Variants in ADAM21 observed in about 807,000 individuals in gnomAD.
The protein encoded by ADAM21 is ADAM metallopeptidase domain 21.
For synonymous variants in ADAM21, 262 were observed against 306.0 expected, an observed-to-expected ratio of 0.86 and a Z score of 1.50; for missense variants, 678 against 874.4, an observed-to-expected ratio of 0.78 and a Z score of 2.83.
Position 70,458,528 on chromosome 14 carries a change from A to G in ADAM21, c.1029A>G (p.Leu343=), listed in dbSNP as rs1277724184. Residue 343 remains leucine, a synonymous_variant, in exon 2 of 2, where the codon TTA becomes TTG. Coordinates refer to ENST00000603540, the MANE Select transcript of ADAM21 (RefSeq NM_003813.4). ...SLFANTVAHE[L]GHTLGMQHDE... is the part of the protein sequence containing the mutation. The stretch of plus-strand genomic sequence containing the variant: ...TTGCCAACACTGTGGCCCATGAGTT[A>G]GGTCATACGTTAGGTATGCAGCATG... The G allele has an allele frequency of 1.9e-6, 3 of 1,612,332 alleles. No individual in the cohort carries two copies. The Admixed American group carries it at 5.0e-5, about 27-fold the overall frequency.
At chr14:70,454,834 G>T (rs1889083925) in intron 1 of ADAM21, among the ~76,000 whole-genome samples, 1 of 152,170 alleles carries the variant, frequency 6.6e-6, no homozygotes, top group Non-Finnish European at 1.5e-5. Flanking sequence ...TCAGTCAGAG[G>T]CCAGAGCCTT....
At position 70,457,825 on chromosome 14, in the gene ADAM21, G is replaced by C. The variant is rs79958245; in HGVS notation, c.326G>C (p.Cys109Ser). Residue 109 changes from cysteine to serine, a missense_variant, in exon 2 of 2, where the codon TGT (cysteine) becomes TCT (serine). Coordinates refer to ENST00000603540, the MANE Select transcript of ADAM21 (RefSeq NM_003813.4). ...LEDQLFIPDDCYYHGYVEAAP... is the reference protein window; with the variant it reads ...LEDQLFIPDDSYYHGYVEAAP... The stretch of plus-strand genomic sequence containing the variant: ...GATCAGCTCTTCATCCCAGATGACT[G>C]TTACTATCATGGTTACGTGGAGGCA... 1.3e-3 allele frequency: 2,034 copies of C among 1,612,846 alleles called. No homozygotes were observed. The African/African-American group carries it at 0.022, about 18-fold the overall frequency.
chr14:70,452,430 A>T (rs1889050000), intron 1 of ADAM21, among the ~76,000 whole-genome samples, 167 bp downstream of exon 1: 1 of 152,088 alleles, frequency 6.6e-6, no homozygotes, highest in African/African-American at 2.4e-5. Context: ...CAGTGGCGCG[A>T]TCTCAGCTGA....
Position 70,457,345 on chromosome 14 carries a change from C to T in ADAM21, c.-151-4C>T. On this transcript the variant is annotated splice_polypyrimidine_tract_variant and splice_region_variant and intron_variant, in intron 1 of 1. Coordinates refer to ENST00000603540, the MANE Select transcript of ADAM21 (RefSeq NM_003813.4). The stretch of plus-strand genomic sequence containing the variant: ...CCAACCCATCTTTTTATTTTTACTT[C>T]CAGCACTGCAGTTCTGATCTAACTC... The T allele has an allele frequency of 9.2e-7, 1 of 1,089,194 alleles. No individual in the cohort carries two copies. Among genetic ancestry groups the T allele is most frequent in the Non-Finnish European group, 1.3e-6 (1 of 759,896 alleles). The allele number at this position is 1,089,194 out of a possible 1,614,324, so 67.5% of individuals were successfully genotyped here.
rs1882487733 is a variant in ADAM21, at chr14:70,459,353, C to A, written c.1854C>A (p.Ile618=). ...KDGTVCGPGK[I]CIHKKCVSLS... is the part of the protein sequence containing the mutation. ...GTACTGTGTGTGGCCCAGGAAAGAT[C>A]TGCATCCATAAGAAGTGTGTCAGTC... Residue 618 remains isoleucine (I), a synonymous_variant, in exon 2 of 2, where the codon ATC becomes ATA. Coordinates refer to ENST00000603540, the MANE Select transcript of ADAM21 (RefSeq NM_003813.4). 6 of 1,614,204 alleles carry A rather than the reference C, an allele frequency of 3.7e-6. No homozygotes were observed. The highest frequency in any genetic ancestry group is 5.1e-6 in the Non-Finnish European group (6 of 1,180,032).
In ADAM21 at chr14:70,459,229, A is replaced by G. The variant is rs767158723; in HGVS notation, c.1730A>G (p.His577Arg). 3 of 1,614,100 alleles carry G rather than the reference A, an allele frequency of 1.9e-6. No individual in the cohort carries two copies. The East Asian group carries it at 6.7e-5, about 36-fold the overall frequency. Residue 577 changes from histidine (H) to arginine (R), a missense_variant, in exon 2 of 2, where the codon CAT (histidine) becomes CGT (arginine). His to Arg is a conservative substitution (Grantham distance 29). Coordinates refer to ENST00000603540, the MANE Select transcript of ADAM21 (RefSeq NM_003813.4). ...AGAGACATTCCTCTTCTCCAAGATCATTTTACTTTGCAGCACACTCATATC... is the reference window on the plus strand; with the variant it reads ...AGAGACATTCCTCTTCTCCAAGATCGTTTTACTTTGCAGCACACTCATATC... ...NVRDIPLLQD[H>R]FTLQHTHING... is the part of the protein sequence containing the mutation.
In ADAM21 at chr14:70,457,406, C is replaced by G. The variant is rs1418599226; in HGVS notation, c.-94C>G. On this transcript the variant is annotated 5_prime_UTR_variant, in exon 2 of 2. It adds an upstream start codon to the 5' untranslated region. Coordinates refer to ENST00000603540, the MANE Select transcript of ADAM21 (RefSeq NM_003813.4). ...CAGATCCACAGGGTCAGCCCTGCAT[C>G]CTGAGCAGCTTAGAGGGAGAAGCCA... The G allele has an allele frequency of 1.0e-5, 16 of 1,576,142 alleles. No homozygotes were observed. Among genetic ancestry groups the G allele is most frequent in the Non-Finnish European group, 1.4e-5 (16 of 1,154,386 alleles).
At position 70,458,639 on chromosome 14, in the gene ADAM21, C is replaced by G. The variant is rs145696569; in HGVS notation, c.1140C>G (p.Tyr380Ter). 2.9e-5 allele frequency: 47 copies of G among 1,613,624 alleles called. 1 individual carries two copies. In the South Asian group the frequency reaches 4.1e-4, roughly 14 times the overall value. Reference protein sequence around the residue: ...VPAEKFTNCSYADFMKTTLNQ... With the variant: ...VPAEKFTNCS Reference sequence around the variant, plus strand: ...CAGAGAAATTCACCAATTGCAGTTACGCTGATTTTATGAAGACCACCTTAA... The same window carrying G: ...CAGAGAAATTCACCAATTGCAGTTAGGCTGATTTTATGAAGACCACCTTAA... The change falls in exon 2 of 2, where the codon TAC becomes TAG. Residue 380 changes from tyrosine (Y) to a stop codon, truncating the protein, a stop_gained. Transcript: ENST00000603540. LOFTEE classifies it low-confidence loss of function (END_TRUNC).
Position 70,457,643 on chromosome 14 carries a change from G to A in ADAM21, c.144G>A (p.Val48=), listed in dbSNP as rs749671619. The A allele has an allele frequency of 2.5e-6, 4 of 1,613,644 alleles. No individual in the cohort carries two copies. The highest frequency in any genetic ancestry group is 1.7e-5 in the Admixed American group (1 of 59,960). ...CGGAAGTGGTGATCCCCTTGAAGGTGATCAGCAGGGGCAGAAGTGCAAAGG... is the reference window on the plus strand; with the variant it reads ...CGGAAGTGGTGATCCCCTTGAAGGTAATCAGCAGGGGCAGAAGTGCAAAGG... ...TSPEVVIPLK[V]ISRGRSAKAP... Residue 48 remains valine (V), a synonymous_variant, in exon 2 of 2, where the codon GTG becomes GTA. Transcript: ENST00000603540.
rs141824517 is a variant in ADAM21 at position 70,455,988 on chromosome 14, G to C, written c.-151-1361G>C. ...CAGGGTCTTTATAGAGGTCTGTACA[G>C]TGAGGATCCCTGAAGCATAAACTTT... On this transcript the variant is annotated intron_variant, in intron 1 of 1. Coordinates refer to ENST00000603540, the MANE Select transcript of ADAM21 (RefSeq NM_003813.4). Among the ~76,000 whole-genome samples the C allele has an allele frequency of 6.0e-4, 91 of 152,190 alleles. 1 individual carries two copies. The highest frequency in any genetic ancestry group is 2.1e-3 in the African/African-American group (88 of 41,536).
intron 1 of ADAM21, chr14:70,453,439 T>G (rs1362325772): frequency 2.0e-5 from 3 of 152,178 alleles, no homozygotes; most frequent in African/African-American, 2.4e-5. Flanking sequence ...GGACATGGAT[T>G]TACGGTGGTA....
At chr14:70,452,621 C>T (rs1214329174) in intron 1 of ADAM21, among the ~76,000 whole-genome samples, 2 of 152,186 alleles carry the variant, frequency 1.3e-5, no homozygotes, top group East Asian at 3.9e-4. Flanking sequence ...CCTCCTCGGC[C>T]TCCCAAAGTG....
chr14:70,453,775 A>G (rs1889070584), intron 1 of ADAM21, among the ~76,000 whole-genome samples: 1 of 152,212 alleles, frequency 6.6e-6, no homozygotes, highest in African/African-American at 2.4e-5. Flanking sequence ...TTTCATCCCA[A>G]TTCAGAGATC....
Position 70,457,435 on chromosome 14 carries a change from C to G in ADAM21, c.-65C>G, listed in dbSNP as rs1443151041. On this transcript the variant is annotated 5_prime_UTR_variant, in exon 2 of 2. Coordinates refer to ENST00000603540, the MANE Select transcript of ADAM21 (RefSeq NM_003813.4). ...AGCAGCTTAGAGGGAGAAGCCAGACCAGCAGTGCCTCACACCTTGTCCTCT... is the reference window on the plus strand; with the variant it reads ...AGCAGCTTAGAGGGAGAAGCCAGACGAGCAGTGCCTCACACCTTGTCCTCT... The G allele has an allele frequency of 1.9e-5, 31 of 1,600,472 alleles. No individual in the cohort carries two copies. Among genetic ancestry groups the G allele is most frequent in the Non-Finnish European group, 2.6e-5 (31 of 1,172,926 alleles).
chr14:70,455,624 A>G (rs1889093379), intron 1 of ADAM21, among the ~76,000 whole-genome samples: 1 of 152,134 alleles, frequency 6.6e-6, no homozygotes, highest in African/African-American at 2.4e-5. Flanking sequence ...TTTTCCCTAT[A>G]GTTTTTAAAT....
In ADAM21 at chr14:70,459,840, A is replaced by G; in HGVS notation, c.*172A>G. 1 of 780,730 alleles carries G rather than the reference A, an allele frequency of 1.3e-6. No individual in the cohort carries two copies. Among genetic ancestry groups the G allele is most frequent in the South Asian group, 1.8e-5 (1 of 54,274 alleles). The allele number at this position is 780,730 out of a possible 1,614,324, so 48.4% of individuals were successfully genotyped here. A position where few individuals can be genotyped will look rare whatever the true frequency, so the allele number is the denominator to read the frequency against. On this transcript the variant is annotated 3_prime_UTR_variant, in exon 2 of 2. Transcript: ENST00000603540. ...TTGTCATTAAGTTCAAGTTATTCTTAACATGTTTCTATCTATTGTTTATTG... is the reference window on the plus strand; with the variant it reads ...TTGTCATTAAGTTCAAGTTATTCTTGACATGTTTCTATCTATTGTTTATTG...
Position 70,458,718 on chromosome 14 carries a change from A to C in ADAM21, c.1219A>C (p.Lys407Gln). 6.2e-7 allele frequency: 1 copy of C among 1,614,034 alleles called. No individual in the cohort carries two copies. ...PPRLGEIFML[K>Q]RCGNGVVERE... ...AAGATTGGGGGAAATCTTTATGCTA[A>C]AGCGCTGTGGGAATGGTGTGGTTGA... is the stretch of plus-strand genomic sequence containing the variant. Residue 407 changes from lysine (K) to glutamine (Q), a missense_variant, in exon 2 of 2, where the codon AAG (lysine) becomes CAG (glutamine). Coordinates refer to ENST00000603540, the MANE Select transcript of ADAM21 (RefSeq NM_003813.4).
chr14:70,455,837 C>T (rs1468519007), intron 1 of ADAM21, among the ~76,000 whole-genome samples: 1 of 151,972 alleles, frequency 6.6e-6, no homozygotes, highest in Non-Finnish European at 1.5e-5. Flanking sequence ...TTTTAGAAAA[C>T]CTCTATTAAG....
At chr14:70,456,418 T>A (rs1882407796) in intron 1 of ADAM21, among the ~76,000 whole-genome samples, 1 of 152,212 alleles carries the variant, frequency 6.6e-6, no homozygotes, top group Non-Finnish European at 1.5e-5. Context: ...AAACTGTTGG[T>A]AAATATATTT....
Sources: gnomAD v4.1 joint callset for allele counts (sites outside exome capture counted in the v4.1 genomes callset) on GRCh38, gnomAD v4.1.1 for gene constraint, MANE v1.5 for transcripts, NCBI Gene and HGNC (gene_info 2026-07-23, HGNC 2026-07-21) for gene names.